Variants in OSBPL10 observed in about 807,000 individuals in gnomAD.
OSBPL10 encodes oxysterol-binding protein-related protein 10.
Under a neutral mutation model 81.7 loss-of-function variants are expected in OSBPL10, and 49 were observed. The ratio of observed to expected loss-of-function variants is 0.60; its 90% CI spans 0.48 to 0.76. The LOEUF is 0.76. Ranked by LOEUF, OSBPL10 falls within the 30% of genes least tolerant of loss-of-function variation. OSBPL10 has a pLI of 0.00. For synonymous variants in OSBPL10, 419 were observed against 383.6 expected, an observed-to-expected ratio of 1.09 and a Z score of -1.08; for missense variants, 923 against 987.8, an observed-to-expected ratio of 0.93 and a Z score of 0.88.
chr3:31,921,389 G>C (rs1386288430), intron 1 of OSBPL10, among the ~76,000 whole-genome samples: 2 of 152,082 alleles, frequency 1.3e-5, no homozygotes, highest in East Asian at 1.9e-4. Flanking sequence ...ACTGGGGCAG[G>C]AAATAACACA....
chr3:31,774,424 T>TGAA (rs1172891019), intron 4 of OSBPL10, among the ~76,000 whole-genome samples: 2 of 151,866 alleles, frequency 1.3e-5, no homozygotes, highest in Admixed American at 1.3e-4. Flanking sequence ...CTGACACAGG[T>TGAA]GAAGGTACAG....
intron 3 of OSBPL10, among the ~76,000 whole-genome samples, chr3:31,832,052 A>G (rs1247261703): frequency 4.6e-5 from 7 of 152,262 alleles, no homozygotes; most frequent in Non-Finnish European, 1.0e-4. Flanking sequence ...GTAAGAGAAT[A>G]ATGAGAGAGG....
chr3:31,797,138 G>T (rs1280747776), intron 4 of OSBPL10, among the ~76,000 whole-genome samples: 1 of 151,782 alleles, frequency 6.6e-6, no homozygotes, highest in Non-Finnish European at 1.5e-5. Flanking sequence ...GGGATTACAG[G>T]CATGCGCCAC....
intron 2 of OSBPL10, among the ~76,000 whole-genome samples, chr3:31,993,957 G>A (rs191709972): frequency 7.2e-5 from 11 of 152,114 alleles, no homozygotes; most frequent in East Asian, 3.9e-4. Context: ...ATCAAAACCC[G>A]GAAACAACCC....
intron 1 of OSBPL10, among the ~76,000 whole-genome samples, chr3:31,970,021 T>C (rs1423460087): frequency 6.6e-6 from 1 of 152,132 alleles, no homozygotes; most frequent in Non-Finnish European, 1.5e-5. Context: ...TAATCTCATC[T>C]ATAAAATGAA....
chr3:31,873,872 GAAT>G (rs1488777297), intron 3 of OSBPL10, among the ~76,000 whole-genome samples: 1 of 152,150 alleles, frequency 6.6e-6, no homozygotes, highest in Non-Finnish European at 1.5e-5. Context: ...TGCTGTCACT[GAAT>G]AATAAGGTCT....
At chr3:31,893,538 A>G (rs1695962681) in intron 1 of OSBPL10, among the ~76,000 whole-genome samples, 1 of 152,242 alleles carries the variant, frequency 6.6e-6, no homozygotes, top group Admixed American at 6.5e-5. Flanking sequence ...AGAATCTACT[A>G]AACAGAAATT....
intron 7 of OSBPL10, among the ~76,000 whole-genome samples, chr3:31,686,619 A>C (rs1372038705): frequency 6.6e-6 from 1 of 152,212 alleles, no homozygotes; most frequent in Non-Finnish European, 1.5e-5. Context: ...AGGAAGAAAC[A>C]TTATTTAAAA....
intron 1 of OSBPL10, among the ~76,000 whole-genome samples, chr3:31,933,579 C>A (rs1411713972): frequency 1.3e-5 from 2 of 151,898 alleles, no homozygotes; most frequent in African/African-American, 4.8e-5. Context: ...TGAGTTTTTA[C>A]ATTTTTTGGC....
intron 6 of OSBPL10, among the ~76,000 whole-genome samples, chr3:31,723,009 T>C (rs780057027): frequency 2.6e-5 from 4 of 152,258 alleles, no homozygotes; most frequent in Non-Finnish European, 5.9e-5. Context: ...TAAGGATTGA[T>C]ACACTGTTCT....
At chr3:31,745,658 C>T (rs537153867) in intron 5 of OSBPL10, among the ~76,000 whole-genome samples, 1 of 152,238 alleles carries the variant, frequency 6.6e-6, no homozygotes, top group South Asian at 2.1e-4. Flanking sequence ...GTTCTGCCCT[C>T]GTTCTGCCAC....
chr3:31,885,128 AT>A (rs1393389082), intron 1 of OSBPL10, among the ~76,000 whole-genome samples: 1 of 152,146 alleles, frequency 6.6e-6, no homozygotes, highest in African/African-American at 2.4e-5. Context: ...AGATATATCC[AT>A]TGTTTCCAAA....
intron 4 of OSBPL10, among the ~76,000 whole-genome samples, chr3:31,829,767 T>A: frequency 1.3e-5 from 2 of 152,382 alleles, no homozygotes; most frequent in Middle Eastern, 3.4e-3. Flanking sequence ...TGGATTTAAC[T>A]GTACTTCATT....
At chr3:31,928,762 C>CCATAAAAAAAAAAAAAAAAA (rs768296819) in intron 1 of OSBPL10, among the ~76,000 whole-genome samples, 1 of 95,064 alleles carries the variant, frequency 1.1e-5, no homozygotes, top group African/African-American at 3.2e-5. Flanking sequence ...GACTTGTCTC[C>CCATAAAAAAAAAAAAAAAAA]AAAAAAAAAA....
chr3:31,970,398 T>G lies in OSBPL10; in HGVS notation c.281+10501A>C, dbSNP rs576050397. On this transcript the variant is annotated intron_variant, in intron 1 of 11. Transcript: ENST00000396556. ...AATTCCAGCCATCATTTCCATATTC[T>G]AGTTTTGGCCAGCATGTCTATATTC... Among the ~76,000 whole-genome samples, 21 of 152,298 alleles carry G rather than the reference T, an allele frequency of 1.4e-4. No individual in the cohort carries two copies. The South Asian group carries it at 3.1e-3, about 23-fold the overall frequency.
chr3:31,921,399 A>C (rs1696908851), intron 1 of OSBPL10, among the ~76,000 whole-genome samples: 1 of 152,200 alleles, frequency 6.6e-6, no homozygotes, highest in Admixed American at 6.5e-5. Flanking sequence ...GAAATAACAC[A>C]AGATGGGTCT....
chr3:31,771,119 T>G (rs1698369381), intron 4 of OSBPL10, among the ~76,000 whole-genome samples: 1 of 152,168 alleles, frequency 6.6e-6, no homozygotes, highest in South Asian at 2.1e-4. Context: ...ATGCTGCTAA[T>G]ACACAGCAAG....
intron 2 of OSBPL10, among the ~76,000 whole-genome samples, chr3:32,020,388 C>T (rs1420142000): frequency 2.0e-5 from 3 of 152,146 alleles, no homozygotes; most frequent in Non-Finnish European, 4.4e-5. Context: ...TCATGTCATA[C>T]TATATGTAGT....
intron 1 of OSBPL10, among the ~76,000 whole-genome samples, chr3:31,913,527 C>T (rs779416801): frequency 6.6e-6 from 1 of 152,186 alleles, no homozygotes; most frequent in East Asian, 1.9e-4. Flanking sequence ...GGATTACAGG[C>T]GTGAGCCACC....
Sources: allele counts gnomAD v4.1 joint callset (sites outside exome capture counted in the v4.1 genomes callset), GRCh38; gene constraint gnomAD v4.1.1; transcripts MANE v1.5; gene names NCBI Gene and HGNC (gene_info 2026-07-23, HGNC 2026-07-21).